MAN1A1: variants seen among roughly 807,000 people sequenced by gnomAD.
MAN1A1 encodes the protein mannosyl-oligosaccharide 1,2-alpha-mannosidase IA.
In MAN1A1, 29 loss-of-function variants were observed where a neutral mutation model predicts 70.8. The observed-to-expected ratio is 0.41, with a 90% CI of 0.31 to 0.56. The LOEUF is 0.56. Among genes scored for constraint, MAN1A1 ranks in the 20% least tolerant of loss-of-function variants. MAN1A1 has a pLI of 0.29. For synonymous variants in MAN1A1, 349 were observed against 330.1 expected (o/e 1.06, Z -0.62); for missense variants, 747 against 841.3 (o/e 0.89, Z 1.39).
At chr6:119,182,865 T>C (rs1356565608) in intron 11 of MAN1A1, among the ~76,000 whole-genome samples, 1 of 152,202 alleles carries the variant, frequency 6.6e-6, no homozygotes, top group Non-Finnish European at 1.5e-5. Flanking sequence ...CCCTCTTTTT[T>C]TTTTACATAT....
intron 6 of MAN1A1, among the ~76,000 whole-genome samples, chr6:119,220,411 A>G (rs960864875): frequency 6.6e-6 from 1 of 152,212 alleles, no homozygotes; most frequent in Non-Finnish European, 1.5e-5. Flanking sequence ...TTTATATGTA[A>G]AATGGTTTAA....
At chr6:119,258,713 G>A (rs1322947770) in intron 5 of MAN1A1, among the ~76,000 whole-genome samples, 1 of 152,034 alleles carries the variant, frequency 6.6e-6, no homozygotes, top group East Asian at 1.9e-4. Flanking sequence ...TCTCTGAAGA[G>A]CATCAAAATA....
chr6:119,309,942 C>G (rs1772654258), intron 2 of MAN1A1, among the ~76,000 whole-genome samples: 1 of 152,112 alleles, frequency 6.6e-6, no homozygotes, highest in South Asian at 2.1e-4. Context: ...TGAGTATCTG[C>G]TACACTATGA....
At chr6:119,232,225 T>G (rs1024002524) in intron 6 of MAN1A1, among the ~76,000 whole-genome samples, 13 of 151,638 alleles carry the variant, frequency 8.6e-5, no homozygotes, top group African/African-American at 3.1e-4. Context: ...TGCAAAAAAT[T>G]AGCCGGGCGT....
intron 5 of MAN1A1, among the ~76,000 whole-genome samples, chr6:119,258,611 C>A (rs1048950098): frequency 6.6e-6 from 1 of 152,094 alleles, no homozygotes; most frequent in Non-Finnish European, 1.5e-5. Flanking sequence ...CCCACAGATA[C>A]CTAGGCATGA....
At chr6:119,333,009 CT>C (rs1773359474) in intron 2 of MAN1A1, among the ~76,000 whole-genome samples, 1 of 151,998 alleles carries the variant, frequency 6.6e-6, no homozygotes, top group South Asian at 2.1e-4. Context: ...GAGCAGAGAT[CT>C]CACCCTGAGG....
intron 7 of MAN1A1, among the ~76,000 whole-genome samples, chr6:119,204,410 T>C (rs187310602): frequency 3.3e-5 from 5 of 152,356 alleles, no homozygotes; most frequent in Admixed American, 6.5e-5. Context: ...AACATCACAT[T>C]TGTACGACAC....
At chr6:119,186,265 G>A (rs1198090127) in intron 11 of MAN1A1, among the ~76,000 whole-genome samples, 1 of 152,160 alleles carries the variant, frequency 6.6e-6, no homozygotes, top group Non-Finnish European at 1.5e-5. Flanking sequence ...ATGGAGGGGA[G>A]TCTTGTCTTT....
In MAN1A1 at chr6:119,348,697, C is replaced by T. The variant is rs752090890; in HGVS notation, c.369G>A (p.Arg123=). Residue 123 remains arginine, a synonymous_variant, in exon 2 of 13, where the codon AGG becomes AGA. Transcript: ENST00000368468. ...PEAALEDNLA[R]IRENHERALR... ...GAGCCCGCTCGTGGTTTTCGCGGATCCTGGCCAAGTTGTCCTCCAGGGCGG... is the reference window on the plus strand; with the variant it reads ...GAGCCCGCTCGTGGTTTTCGCGGATTCTGGCCAAGTTGTCCTCCAGGGCGG... 1 of 1,609,722 alleles carries T rather than the reference C, an allele frequency of 6.2e-7. No homozygotes were observed. The highest frequency in any genetic ancestry group is 1.7e-5 in the Admixed American group (1 of 59,472).
At chr6:119,218,498 T>C (rs1294860508) in intron 6 of MAN1A1, among the ~76,000 whole-genome samples, 4 of 152,026 alleles carry the variant, frequency 2.6e-5, no homozygotes, top group Non-Finnish European at 4.4e-5. Context: ...TGCTATCAAA[T>C]ATTAAACCAC....
At chr6:119,274,985 A>G (rs180768819) in intron 5 of MAN1A1, among the ~76,000 whole-genome samples, 1 of 152,238 alleles carries the variant, frequency 6.6e-6, no homozygotes, top group African/African-American at 2.4e-5. Context: ...TTTCAAACAC[A>G]ACTTGTGCAA....
chr6:119,186,741 G>A (rs1331316347), intron 11 of MAN1A1, among the ~76,000 whole-genome samples: 1 of 152,128 alleles, frequency 6.6e-6, no homozygotes, highest in African/African-American at 2.4e-5. Context: ...AAGCATATGC[G>A]GGGCTGCTGC....
At chr6:119,266,855 A>G (rs764397095) in intron 5 of MAN1A1, among the ~76,000 whole-genome samples, 2 of 152,246 alleles carry the variant, frequency 1.3e-5, no homozygotes, top group Non-Finnish European at 2.9e-5. Context: ...AAGAACTGTT[A>G]ATGAAAATTA....
chr6:119,349,711 T>C lies in MAN1A1; in HGVS notation c.-392A>G, dbSNP rs963155128. ...GCGAGCGCGCCGACCTGCGGGCGAA[T>C]GGCAGCGAGTAGAGCAGCACGGTAC... On this transcript the variant is annotated 5_prime_UTR_variant, in exon 1 of 13. Transcript: ENST00000368468. The C allele has an allele frequency of 3.3e-4, 322 of 985,586 alleles. No homozygotes were observed. The highest frequency in any genetic ancestry group is 3.7e-4 in the Non-Finnish European group (308 of 830,036). The allele number at this position is 985,586 out of a possible 1,614,324, so 61.1% of individuals were successfully genotyped here. A position where few individuals can be genotyped will look rare whatever the true frequency, so the allele number is the denominator to read the frequency against.
At chr6:119,318,251 T>A (rs1278668925) in intron 2 of MAN1A1, among the ~76,000 whole-genome samples, 2 of 152,204 alleles carry the variant, frequency 1.3e-5, no homozygotes, top group African/African-American at 2.4e-5. Context: ...TCAGGAAGTA[T>A]GTAAAGCATT....
At chr6:119,264,394 A>G in intron 5 of MAN1A1, among the ~76,000 whole-genome samples, 1 of 152,244 alleles carries the variant, frequency 6.6e-6, no homozygotes, top group Non-Finnish European at 1.5e-5. Flanking sequence ...TTGTTCCTGC[A>G]GTGAACAAAG....
intron 5 of MAN1A1, among the ~76,000 whole-genome samples, chr6:119,287,817 A>C (rs1423459409): frequency 6.6e-6 from 1 of 151,990 alleles, no homozygotes; most frequent in Non-Finnish European, 1.5e-5. Context: ...GCTCCCTTCC[A>C]GCTTATAATA....
chr6:119,218,657 G>C (rs1411809666), intron 6 of MAN1A1, among the ~76,000 whole-genome samples: 1 of 152,096 alleles, frequency 6.6e-6, no homozygotes, highest in African/African-American at 2.4e-5. Context: ...GAGTACACCA[G>C]CTTTTCTCCC....
chr6:119,343,254 T>A (rs1285369699), intron 2 of MAN1A1, among the ~76,000 whole-genome samples: 1 of 152,172 alleles, frequency 6.6e-6, no homozygotes, highest in Non-Finnish European at 1.5e-5. Context: ...GGATAATTTA[T>A]ACAATTCTTT....
Sources: allele counts gnomAD v4.1 joint callset (sites outside exome capture counted in the v4.1 genomes callset), GRCh38; gene constraint gnomAD v4.1.1; transcripts MANE v1.5; gene names NCBI Gene and HGNC (gene_info 2026-07-23, HGNC 2026-07-21).